Variants in SH3BGRL observed in about 807,000 individuals in gnomAD.
SH3BGRL encodes the protein adapter SH3BGRL.
A neutral mutation model predicts 9.8 loss-of-function variants in SH3BGRL; 7 were observed. That is an observed-to-expected ratio of 0.72 (90% CI 0.41 to 1.35). The LOEUF is 1.35. Ranked by LOEUF, SH3BGRL falls within the 40% of genes most tolerant of loss-of-function variation. SH3BGRL has a pLI of 0.01. For missense variants in SH3BGRL, 73 were observed against 84.4 expected (o/e 0.86, Z 0.53); for synonymous variants, 36 against 29.1 (o/e 1.24, Z -0.76).
At chrX:81,278,564 A>G (rs1487256848) in intron 3 of SH3BGRL, among the ~76,000 whole-genome samples, 153 bp downstream of exon 3, 6 of 112,077 alleles carry the variant, frequency 5.4e-5, no homozygotes, top group Non-Finnish European at 1.1e-4. Context: ...CTTAATTCCT[A>G]TTAGGGCAGA....
chrX:81,291,406 C>T (rs1231655589), intron 3 of SH3BGRL, among the ~76,000 whole-genome samples: 3 of 110,943 alleles, frequency 2.7e-5, no homozygotes, highest in Non-Finnish European at 5.7e-5. Context: ...TTTAGACAAG[C>T]AGAAATAAGG....
chrX:81,234,449 A>G (rs1162110510), intron 1 of SH3BGRL, among the ~76,000 whole-genome samples: 2 of 111,850 alleles, frequency 1.8e-5, no homozygotes, highest in Non-Finnish European at 3.8e-5. Context: ...TGTTTTGATT[A>G]TTTTGCATTC....
intron 1 of SH3BGRL, among the ~76,000 whole-genome samples, chrX:81,210,689 C>G (rs1406333326): frequency 8.9e-6 from 1 of 111,898 alleles, no homozygotes; most frequent in African/African-American, 3.3e-5. Flanking sequence ...CTATGCTATT[C>G]TTCCCACTTG....
intron 2 of SH3BGRL, among the ~76,000 whole-genome samples, chrX:81,277,720 G>T (rs527889231): frequency 1.8e-5 from 2 of 112,194 alleles, no homozygotes; most frequent in Admixed American, 1.9e-4. Context: ...TGGGAAATAG[G>T]TGGCTGTTTT....
At chrX:81,230,169 T>C (rs1316152617) in intron 1 of SH3BGRL, among the ~76,000 whole-genome samples, 2 of 112,124 alleles carry the variant, frequency 1.8e-5, no homozygotes, top group Non-Finnish European at 3.8e-5. Context: ...AGATTATATA[T>C]TCATTATTCA....
intron 1 of SH3BGRL, among the ~76,000 whole-genome samples, chrX:81,249,203 A>G (rs1394130439): frequency 1.8e-5 from 2 of 112,641 alleles, no homozygotes; most frequent in African/African-American, 6.4e-5. Context: ...GAAAAGTCTC[A>G]GCTCAATAAA....
chrX:81,291,959 T>A (rs2075859318), intron 3 of SH3BGRL, among the ~76,000 whole-genome samples: 2 of 112,258 alleles, frequency 1.8e-5, no homozygotes, highest in South Asian at 7.4e-4. Context: ...ATCCTGCAGC[T>A]CTGCAGGGTA....
At chrX:81,239,595 G>C (rs2075661379) in intron 1 of SH3BGRL, among the ~76,000 whole-genome samples, 1 of 111,400 alleles carries the variant, frequency 9.0e-6, no homozygotes. Flanking sequence ...AGAGATAGGG[G>C]TAGAAAGTTC....
intron 1 of SH3BGRL, among the ~76,000 whole-genome samples, chrX:81,215,756 A>G (rs1473057351): frequency 1.8e-5 from 2 of 111,624 alleles, no homozygotes; most frequent in African/African-American, 6.5e-5. Flanking sequence ...GAAAAGTGAT[A>G]AGTTATTAGT....
chrX:81,264,723 C>T (rs965057326), intron 1 of SH3BGRL, among the ~76,000 whole-genome samples: 3 of 110,729 alleles, frequency 2.7e-5, no homozygotes, highest in Admixed American at 9.7e-5. Flanking sequence ...ACTGTCTGCC[C>T]TTTCTGTGAA....
intron 1 of SH3BGRL, among the ~76,000 whole-genome samples, chrX:81,207,878 G>T (rs930671238): frequency 5.4e-5 from 6 of 111,964 alleles, no homozygotes; most frequent in Non-Finnish European, 1.1e-4. Flanking sequence ...TCAGTGATCA[G>T]TGATGGTGAT....
At chrX:81,273,385 CT>C (rs2075787396) in intron 1 of SH3BGRL, among the ~76,000 whole-genome samples, 1 of 112,281 alleles carries the variant, frequency 8.9e-6, no homozygotes, top group Non-Finnish European at 1.9e-5. Context: ...TTAAATATAT[CT>C]ATTTCTAATC....
Position 81,276,833 on chromosome X carries a change from G to A in SH3BGRL, c.46-151G>A, listed in dbSNP as rs534641581. 17 of 439,705 alleles carry A rather than the reference G, an allele frequency of 3.9e-5. No individual in the cohort carries two copies. The South Asian group carries it at 7.0e-4, about 18-fold the overall frequency. The allele number at this position is 439,705 out of a possible 1,213,427, so 36.2% of individuals were successfully genotyped here. ...AAAAGCTCTTCAATATACTTGTGAG[G>A]CATTATTAACAATACAATAATAAAG... On this transcript the variant is annotated intron_variant, in intron 1 of 3. Coordinates refer to ENST00000373212, the MANE Select transcript of SH3BGRL (RefSeq NM_003022.3).
At chrX:81,271,767 G>A (rs1220243897) in intron 1 of SH3BGRL, among the ~76,000 whole-genome samples, 1 of 111,232 alleles carries the variant, frequency 9.0e-6, no homozygotes, top group Non-Finnish European at 1.9e-5. Flanking sequence ...TACTCCTCAA[G>A]AAGAGCAACC....
intron 1 of SH3BGRL, among the ~76,000 whole-genome samples, chrX:81,243,166 A>G (rs1333887453): frequency 8.9e-6 from 1 of 112,567 alleles, no homozygotes; most frequent in East Asian, 2.8e-4. Flanking sequence ...TGAAATGTAA[A>G]GAAAATGTGG....
intron 3 of SH3BGRL, among the ~76,000 whole-genome samples, chrX:81,291,299 G>T (rs2075857279): frequency 9.0e-6 from 1 of 111,146 alleles, no homozygotes; most frequent in Non-Finnish European, 1.9e-5. Flanking sequence ...CATGGCTTGG[G>T]AGGCCTCGGG....
chrX:81,220,489 T>C (rs2075596869), intron 1 of SH3BGRL, among the ~76,000 whole-genome samples: 1 of 111,553 alleles, frequency 9.0e-6, no homozygotes, highest in South Asian at 3.7e-4. Flanking sequence ...ACTGATTTTA[T>C]TTAATTGGGC....
chrX:81,263,073 G>T (rs1237903433), intron 1 of SH3BGRL, among the ~76,000 whole-genome samples: 1 of 111,627 alleles, frequency 9.0e-6, no homozygotes, highest in Non-Finnish European at 1.9e-5. Context: ...AGATGGAGTG[G>T]CCACAGAGAA....
At chrX:81,233,646 G>A (rs1012534084) in intron 1 of SH3BGRL, among the ~76,000 whole-genome samples, 1 of 110,390 alleles carries the variant, frequency 9.1e-6, no homozygotes, top group African/African-American at 3.3e-5. Flanking sequence ...GTGCCTTTTG[G>A]GTGCCAAGCT....
Sources: gnomAD v4.1 joint callset for allele counts (sites outside exome capture counted in the v4.1 genomes callset) on GRCh38, gnomAD v4.1.1 for gene constraint, MANE v1.5 for transcripts, NCBI Gene and HGNC (gene_info 2026-07-23, HGNC 2026-07-21) for gene names.